TMEM131: variants seen among roughly 807,000 people sequenced by gnomAD.
TMEM131 encodes 2610524E03Rik.
Under a neutral mutation model 211.6 loss-of-function variants are expected in TMEM131, and 66 were observed. That is an observed-to-expected ratio of 0.31 (90% confidence interval 0.26 to 0.38). The LOEUF (loss-of-function observed/expected upper bound fraction) is 0.38, where lower values mean the gene tolerates loss of function less well. TMEM131 is among the 10% of genes least tolerant of loss of function. The probability of loss-of-function intolerance (pLI) is 1.00; values close to 1 mark genes in which losing one functional copy is unlikely to be tolerated. For synonymous variants in TMEM131, 844 were observed against 841.3 expected (o/e 1.00, Z -0.06); for missense variants, 2,036 against 2,299.3 (o/e 0.89, Z 2.34).
intron 5 of TMEM131, among the ~76,000 whole-genome samples, chr2:97,855,604 G>A (rs1673808680): frequency 6.6e-6 from 1 of 151,800 alleles, no homozygotes; most frequent in African/African-American, 2.4e-5. Flanking sequence ...GGGAAGCTGA[G>A]GCACAAGAAT....
At chr2:97,860,641 T>G (rs549813603) in intron 4 of TMEM131, among the ~76,000 whole-genome samples, 1 of 152,276 alleles carries the variant, frequency 6.6e-6, no homozygotes, top group Non-Finnish European at 1.5e-5. Flanking sequence ...CTTGGGAAAG[T>G]TGATAAACAG....
intron 4 of TMEM131, among the ~76,000 whole-genome samples, chr2:97,866,631 G>C (rs532232443): frequency 6.6e-6 from 1 of 152,104 alleles, no homozygotes; most frequent in African/African-American, 2.4e-5. Context: ...ATTTTGGTGT[G>C]TATATGTTTC....
chr2:97,881,814 A>G (rs1364443801), intron 4 of TMEM131, among the ~76,000 whole-genome samples: 1 of 151,402 alleles, frequency 6.6e-6, no homozygotes, highest in Non-Finnish European at 1.5e-5. Context: ...ATCTTTTTTC[A>G]CTTAATAACA....
intron 1 of TMEM131, among the ~76,000 whole-genome samples, chr2:97,953,187 T>A (rs1231153643): frequency 6.6e-6 from 1 of 152,204 alleles, no homozygotes; most frequent in Non-Finnish European, 1.5e-5. Flanking sequence ...ACTTAACATC[T>A]GCTGTGCTCA....
At chr2:97,876,757 C>T (rs1023683177) in intron 4 of TMEM131, among the ~76,000 whole-genome samples, 6 of 152,148 alleles carry the variant, frequency 3.9e-5, no homozygotes, top group African/African-American at 1.4e-4. Flanking sequence ...ACTGAGTGGG[C>T]AAAAACTGGA....
intron 1 of TMEM131, among the ~76,000 whole-genome samples, chr2:97,992,444 C>T (rs1450187303): frequency 6.6e-6 from 1 of 152,136 alleles, no homozygotes; most frequent in Admixed American, 6.5e-5. Flanking sequence ...GGCTGTCAAA[C>T]GTTACCCTGC....
At chr2:97,884,720 T>G (rs1675070741) in intron 4 of TMEM131, among the ~76,000 whole-genome samples, 1 of 152,222 alleles carries the variant, frequency 6.6e-6, no homozygotes, top group South Asian at 2.1e-4. Flanking sequence ...TGTTTGGCCT[T>G]ATGTAAGTAA....
intron 31 of TMEM131, among the ~76,000 whole-genome samples, chr2:97,792,120 A>AATC (rs1376024955): frequency 2.0e-5 from 3 of 152,230 alleles, no homozygotes; most frequent in African/African-American, 7.2e-5. Context: ...ACAATAACAC[A>AATC]ATCTCAGGCA....
intron 2 of TMEM131, among the ~76,000 whole-genome samples, chr2:97,914,230 T>C (rs1245792702): frequency 6.6e-6 from 1 of 152,214 alleles, no homozygotes; most frequent in Non-Finnish European, 1.5e-5. Flanking sequence ...TTCACTGAGA[T>C]AACTGTAGAT....
chr2:97,989,386 T>C (rs1362315378), intron 1 of TMEM131, among the ~76,000 whole-genome samples: 3 of 152,094 alleles, frequency 2.0e-5, no homozygotes, highest in Admixed American at 1.3e-4. Flanking sequence ...ATTCTACTTA[T>C]ATGAAGTATC....
intron 31 of TMEM131, among the ~76,000 whole-genome samples, chr2:97,792,081 T>A (rs1194400739): frequency 6.6e-6 from 1 of 152,220 alleles, no homozygotes; most frequent in Non-Finnish European, 1.5e-5. Context: ...CAAAATTATT[T>A]TAACAATAAA....
chr2:97,795,225 G>A, intron 28 of TMEM131, 110 bp from the exon 29 acceptor site: 2 of 724,804 alleles, frequency 2.8e-6, no homozygotes, highest in Non-Finnish European at 4.2e-6. Flanking sequence ...ATTTGCGTTT[G>A]ATACTTTTAC....
chr2:97,931,080 T>C (rs1279334586), intron 1 of TMEM131, among the ~76,000 whole-genome samples: 2 of 151,914 alleles, frequency 1.3e-5, no homozygotes, highest in South Asian at 2.1e-4. Context: ...AAATAAACTT[T>C]ACAGAATGCT....
At chr2:97,908,323 G>A (rs1191911108) in intron 3 of TMEM131, among the ~76,000 whole-genome samples, 1 of 152,090 alleles carries the variant, frequency 6.6e-6, no homozygotes, top group Non-Finnish European at 1.5e-5. Context: ...TGGTAACTGG[G>A]GGCAGCAGTG....
intron 1 of TMEM131, among the ~76,000 whole-genome samples, chr2:97,935,162 A>G (rs1677389544): frequency 6.6e-6 from 1 of 152,232 alleles, no homozygotes; most frequent in Non-Finnish European, 1.5e-5. Context: ...ACTCAAAAAC[A>G]AACAGAAAAG....
chr2:97,944,938 T>TA (rs1376203143), intron 1 of TMEM131, among the ~76,000 whole-genome samples: 1 of 152,156 alleles, frequency 6.6e-6, no homozygotes, highest in Non-Finnish European at 1.5e-5. Flanking sequence ...TACCATACAA[T>TA]ATACCAATTA....
intron 3 of TMEM131, among the ~76,000 whole-genome samples, chr2:97,906,191 G>A (rs1676059768): frequency 1.3e-5 from 2 of 152,136 alleles, no homozygotes; most frequent in South Asian, 4.1e-4. Context: ...CTAGACTTCT[G>A]AGCCTCTAGA....
intron 5 of TMEM131, among the ~76,000 whole-genome samples, chr2:97,852,359 C>T (rs534100713): frequency 1.1e-4 from 17 of 152,090 alleles, no homozygotes; most frequent in South Asian, 2.1e-4. Flanking sequence ...GGTTTCACCA[C>T]GTTGGCCAGG....
intron 1 of TMEM131, among the ~76,000 whole-genome samples, chr2:97,934,039 A>G (rs1328829947): frequency 1.3e-5 from 2 of 149,516 alleles, no homozygotes; most frequent in African/African-American, 2.4e-5. Flanking sequence ...CAAGGCAAGG[A>G]AAAAAAAAAG....
Sources: gnomAD v4.1 joint callset for allele counts (sites outside exome capture counted in the v4.1 genomes callset) on GRCh38, gnomAD v4.1.1 for gene constraint, MANE v1.5 for transcripts, NCBI Gene and HGNC (gene_info 2026-07-23, HGNC 2026-07-21) for gene names.